BFSP1: variants seen among roughly 807,000 people sequenced by gnomAD.
BFSP1 encodes filensin.
A neutral mutation model predicts 43.9 loss-of-function variants in BFSP1; 38 were observed. That is an observed-to-expected ratio of 0.87 (90% CI 0.67 to 1.14). BFSP1 has a LOEUF of 1.14. BFSP1 is among the 50% of genes most tolerant of loss of function. BFSP1 has a pLI of 0.00. For missense variants in BFSP1, 850 were observed against 875.1 expected, an observed-to-expected ratio of 0.97 and a Z score of 0.36; for synonymous variants, 352 against 354.8, an observed-to-expected ratio of 0.99 and a Z score of 0.09.
chr20:17,499,121 A>G, intron 5 of BFSP1, 81 bp from the exon 6 acceptor site: 7 of 1,213,926 alleles, frequency 5.8e-6, no homozygotes, highest in Non-Finnish European at 8.5e-6. Context: ...AGGAACCTGG[A>G]CTCGGTGAAT....
intron 5 of BFSP1, among the ~76,000 whole-genome samples, chr20:17,501,276 G>A (rs574371375): frequency 5.3e-5 from 8 of 152,266 alleles, no homozygotes; most frequent in East Asian, 1.9e-4. Context: ...AAAGGTGTTC[G>A]GCAAATGGCC....
chr20:17,520,210 G>GCCCCCCCCCCCCCCCC (rs138070825), intron 2 of BFSP1, among the ~76,000 whole-genome samples: 55 of 133,404 alleles, frequency 4.1e-4, no homozygotes, highest in South Asian at 1.0e-3. Flanking sequence ...GTTTTAACGT[G>GCCCCCCCCCCCCCCCC]CCCCCCCACC....
chr20:17,507,734 G>A lies in BFSP1; in HGVS notation c.735+1155C>T, dbSNP rs921555610. ...AAACCACACAGGCCCCAGTCACCAG[G>A]ATGAGGCACATGGTCCCTGAGCCAG... On this transcript the variant is annotated intron_variant, in intron 5 of 7. Transcript: ENST00000377873. The surrounding 1 kb of genome is among the most constrained non-coding windows in gnomAD (Gnocchi z 4.4). Among the ~76,000 whole-genome samples the A allele has an allele frequency of 6.6e-6, 1 of 152,150 alleles. No homozygotes were observed. Among genetic ancestry groups the A allele is most frequent in the African/African-American group, 2.4e-5 (1 of 41,428 alleles).
chr20:17,547,609 T>A (rs1245858988), intron 1 of BFSP1, among the ~76,000 whole-genome samples: 2 of 152,214 alleles, frequency 1.3e-5, no homozygotes, highest in Non-Finnish European at 2.9e-5. Flanking sequence ...TTTAACAATG[T>A]TTGTAAAAAG....
At chr20:17,528,351 T>C (rs981867798) in intron 1 of BFSP1, among the ~76,000 whole-genome samples, 8 of 152,306 alleles carry the variant, frequency 5.3e-5, no homozygotes, top group African/African-American at 1.7e-4. Flanking sequence ...AAACCCAACA[T>C]GGCCTTTCCT....
At chr20:17,524,668 G>C (rs2034382502) in intron 2 of BFSP1, among the ~76,000 whole-genome samples, 180 bp downstream of exon 2, 1 of 152,116 alleles carries the variant, frequency 6.6e-6, no homozygotes, top group Non-Finnish European at 1.5e-5. Context: ...TGTGTGTATG[G>C]GTGTGTGAGT....
chr20:17,510,136 T>TA (rs2034042568), intron 4 of BFSP1, among the ~76,000 whole-genome samples: 1 of 152,240 alleles, frequency 6.6e-6, no homozygotes. Flanking sequence ...GGTGCTTCTC[T>TA]ATCCTGAGCA....
intron 2 of BFSP1, among the ~76,000 whole-genome samples, chr20:17,523,761 C>A (rs368921584): frequency 2.0e-5 from 3 of 151,736 alleles, no homozygotes; most frequent in Non-Finnish European, 4.4e-5. Context: ...ACATATCATA[C>A]GTGCTCACGC....
Position 17,514,724 on chromosome 20 carries a change from C to A in BFSP1, c.531G>T (p.Lys177Asn). Residue 177 changes from lysine to asparagine, a missense_variant, in exon 3 of 8, where the codon AAG becomes AAT. Coordinates refer to ENST00000377873, the MANE Select transcript of BFSP1 (RefSeq NM_001195.5). Reference sequence around the variant, plus strand: ...GGCTTCAAGGGGTCATGATTACCTTCTTGTGCCTGTCCTTTGCCGCACTGA... The same window carrying A: ...GGCTTCAAGGGGTCATGATTACCTTATTGTGCCTGTCCTTTGCCGCACTGA... ...DDISAAKDRH[K>N]KNLLEVQTYI... 6.2e-7 allele frequency: 1 copy of A among 1,613,932 alleles called. No individual in the cohort carries two copies. The highest frequency in any genetic ancestry group is 1.1e-5 in the South Asian group (1 of 91,080).
rs753277564 is a variant in BFSP1 at position 17,494,706 on chromosome 20, T to C, written c.1366A>G (p.Lys456Glu). 17 of 1,569,660 alleles carry C rather than the reference T, an allele frequency of 1.1e-5. No homozygotes were observed. Among genetic ancestry groups the C allele is most frequent in the Admixed American group, 5.3e-5 (3 of 56,862 alleles). ...RKVKEKVRSP[K>E]EPETPTELYT... Reference sequence around the variant, plus strand: ...AGCTCAGTGGGGGTCTCAGGCTCTTTGGGGCTTCTCACTTTCTCCTTGACC... The same window carrying C: ...AGCTCAGTGGGGGTCTCAGGCTCTTCGGGGCTTCTCACTTTCTCCTTGACC... Residue 456 changes from lysine (K) to glutamate (E), a missense_variant, in exon 8 of 8, where the codon AAA (lysine) becomes GAA (glutamate). Transcript: ENST00000377873.
chr20:17,558,866 T>A (rs2035038804), exon 1 of BFSP1: 2 of 833,310 alleles, frequency 2.4e-6, no homozygotes, highest in Non-Finnish European at 3.5e-6. Flanking sequence ...AGAGAGGAAG[T>A]GACTCACTGG....
At chr20:17,548,999 T>TA (rs578177173) in intron 1 of BFSP1, among the ~76,000 whole-genome samples, 2 of 152,084 alleles carry the variant, frequency 1.3e-5, no homozygotes, top group Non-Finnish European at 2.9e-5. Context: ...TTTGTAGAGA[T>TA]AGAGTCTCAC....
At chr20:17,511,558 C>T (rs1025608328) in intron 4 of BFSP1, among the ~76,000 whole-genome samples, 2 of 152,126 alleles carry the variant, frequency 1.3e-5, no homozygotes, top group Non-Finnish European at 2.9e-5. Flanking sequence ...ATTAAAACCA[C>T]CACCATTAGA....
chr20:17,564,330 G>T (rs938166133), intron 1 of BFSP1, among the ~76,000 whole-genome samples: 9 of 147,458 alleles, frequency 6.1e-5, no homozygotes, highest in African/African-American at 2.3e-4. Flanking sequence ...TTGTACAACT[G>T]CACTCCAGCC....
rs758208747 is a variant in BFSP1 at position 17,530,984 on chromosome 20, C to T, written c.346G>A (p.Ala116Thr). The change falls in exon 1 of 8, where the codon GCG becomes ACG. Residue 116 changes from alanine to threonine, a missense_variant. Ala to Thr is a moderately conservative substitution (Grantham distance 58). Coordinates refer to ENST00000377873, the MANE Select transcript of BFSP1 (RefSeq NM_001195.5). ...CGGAACTCGTCGAGCGCGCGCTGCG[C>T]CTCGGTGCCCTGGCGCTCCAGCCGG... ...RARLERQGTE[A>T]QRALDEFRSK... 2.5e-5 allele frequency: 36 copies of T among 1,438,752 alleles called. No homozygotes were observed. The South Asian group carries it at 5.0e-4, about 20-fold the overall frequency. 89.1% of individuals were successfully genotyped at this position (1,438,752 alleles called of 1,614,324 possible). A position where few individuals can be genotyped will look rare whatever the true frequency, so the allele number is the denominator to read the frequency against.
At chr20:17,549,508 C>CT (rs751096793) in intron 1 of BFSP1, among the ~76,000 whole-genome samples, 17 of 152,144 alleles carry the variant, frequency 1.1e-4, no homozygotes, top group Non-Finnish European at 2.1e-4. Context: ...CATGAGAACT[C>CT]TATCACGAGA....
At chr20:17,539,276 A>G in intron 1 of BFSP1, among the ~76,000 whole-genome samples, 1 of 151,668 alleles carries the variant, frequency 6.6e-6, no homozygotes, top group Non-Finnish European at 1.5e-5. Flanking sequence ...ATGCCCAGCT[A>G]ATTTTTAAAC....
intron 1 of BFSP1, among the ~76,000 whole-genome samples, chr20:17,553,667 C>G (rs924392495): frequency 9.9e-5 from 15 of 150,982 alleles, no homozygotes; most frequent in African/African-American, 3.4e-4. Flanking sequence ...GGGTGGCAAA[C>G]TACTTTAGAT....
Position 17,530,959 on chromosome 20 carries a change from CG to C in BFSP1, c.370del (p.Arg124GlufsTer14). On this transcript the variant is annotated frameshift_variant, in exon 1 of 8. Coordinates refer to ENST00000377873, the MANE Select transcript of BFSP1 (RefSeq NM_001195.5). LOFTEE classifies it high-confidence loss of function. ...TEAQRALDEF[R>X]SKYENECECQ... ...CCCGATGGCCGCCGCTTACTTGCTT[CG>C]GAACTCGTCGAGCGCGCGCTGCGCC... The C allele has an allele frequency of 7.0e-7, 1 of 1,434,980 alleles. No individual in the cohort carries two copies. Among genetic ancestry groups the C allele is most frequent in the Non-Finnish European group, 9.1e-7 (1 of 1,098,076 alleles). 88.9% of individuals were successfully genotyped at this position (1,434,980 alleles called of 1,614,324 possible). A position where few individuals can be genotyped will look rare whatever the true frequency, so the allele number is the denominator to read the frequency against.
Sources: gnomAD v4.1 joint callset for allele counts (sites outside exome capture counted in the v4.1 genomes callset) on GRCh38, gnomAD v4.1.1 for gene constraint, Gnocchi (gnomAD v3.1) non-coding constraint, MANE v1.5 for transcripts, NCBI Gene and HGNC (gene_info 2026-07-23, HGNC 2026-07-21) for gene names.